Variants in FBXO11 observed in about 807,000 individuals in gnomAD.
The protein encoded by FBXO11 is F-box only protein 11.
A neutral mutation model predicts 117.0 loss-of-function variants in FBXO11; 13 were observed. That is an observed-to-expected ratio of 0.11 (90% CI 0.07 to 0.18). The LOEUF is 0.18. Ranked by LOEUF, FBXO11 falls within the 10% of genes least tolerant of loss-of-function variation. FBXO11 has a pLI of 1.00. For synonymous variants in FBXO11, 490 were observed against 380.5 expected (o/e 1.29, Z -3.35); for missense variants, 767 against 1,164.4 (o/e 0.66, Z 4.97).
chr2:47,829,722 C>T (rs1217060355), intron 11 of FBXO11, among the ~76,000 whole-genome samples: 1 of 151,548 alleles, frequency 6.6e-6, no homozygotes, highest in African/African-American at 2.4e-5. Context: ...AAAAAAAACA[C>T]CCATCTTTTA....
intron 16 of FBXO11, among the ~76,000 whole-genome samples, chr2:47,815,358 C>G (rs980034286): frequency 6.6e-6 from 1 of 152,106 alleles, no homozygotes; most frequent in Non-Finnish European, 1.5e-5. Context: ...AGAGAGTGAC[C>G]TAGCTAGGTT....
chr2:47,808,316 G>A lies in FBXO11; in HGVS notation c.2654+13C>T. 6.2e-7 allele frequency: 1 copy of A among 1,612,548 alleles called. No individual in the cohort carries two copies. The highest frequency in any genetic ancestry group is 1.3e-5 in the African/African-American group (1 of 75,012). Reference sequence around the variant, plus strand: ...AGTAATTGGGTAATATATCAAGCAAGTGTGCTACATACCTATCATGTCTAA... The same window carrying A: ...AGTAATTGGGTAATATATCAAGCAAATGTGCTACATACCTATCATGTCTAA... On this transcript the variant is annotated intron_variant, in intron 22 of 22. Coordinates refer to ENST00000403359, the MANE Select transcript of FBXO11 (RefSeq NM_001190274.2).
chr2:47,846,995 T>C (rs1490521229), intron 1 of FBXO11, among the ~76,000 whole-genome samples: 1 of 152,016 alleles, frequency 6.6e-6, no homozygotes, highest in Non-Finnish European at 1.5e-5. Context: ...CTGTAATCCC[T>C]GCACTTTAGG....
At chr2:47,827,850 C>G (rs1045076978) in intron 11 of FBXO11, among the ~76,000 whole-genome samples, 4 of 152,096 alleles carry the variant, frequency 2.6e-5, no homozygotes, top group African/African-American at 9.6e-5. Context: ...GTGGGTGCCA[C>G]CATGCCCAGC....
chr2:47,828,631 T>C (rs1396660013), intron 11 of FBXO11, among the ~76,000 whole-genome samples: 1 of 144,778 alleles, frequency 6.9e-6, no homozygotes, highest in Non-Finnish European at 1.5e-5. Flanking sequence ...AAAGACAAAA[T>C]AAAAGGCATT....
chr2:47,836,128 G>A, intron 4 of FBXO11, 127 bp from the exon 5 acceptor site: 1 of 574,756 alleles, frequency 1.7e-6, no homozygotes, highest in Non-Finnish European at 2.8e-6. Flanking sequence ...AGACAAAAAT[G>A]AATATTAAAT....
intron 1 of FBXO11, among the ~76,000 whole-genome samples, chr2:47,882,427 C>T (rs1357607339): frequency 2.6e-5 from 4 of 151,380 alleles, no homozygotes; most frequent in Non-Finnish European, 5.9e-5. Context: ...ACGTAAGTTT[C>T]ATCTCAGCTA....
intron 11 of FBXO11, among the ~76,000 whole-genome samples, chr2:47,830,740 A>G (rs1203117954): frequency 6.6e-6 from 1 of 152,164 alleles, no homozygotes; most frequent in Non-Finnish European, 1.5e-5. Flanking sequence ...TGTGATGAGG[A>G]GTAACTTACT....
chr2:47,815,900 C>T (rs1363835082), intron 16 of FBXO11, among the ~76,000 whole-genome samples: 2 of 152,154 alleles, frequency 1.3e-5, no homozygotes, highest in African/African-American at 4.8e-5. Flanking sequence ...ATGAAACTGG[C>T]GCACTTAGTC....
At chr2:47,881,443 C>G (rs773154917) in intron 1 of FBXO11, among the ~76,000 whole-genome samples, 1 of 152,062 alleles carries the variant, frequency 6.6e-6, no homozygotes, top group Non-Finnish European at 1.5e-5. Context: ...TTAGACAATA[C>G]CTATTAGTTC....
At chr2:47,849,045 G>T (rs1272017073) in intron 1 of FBXO11, among the ~76,000 whole-genome samples, 1 of 152,066 alleles carries the variant, frequency 6.6e-6, no homozygotes, top group African/African-American at 2.4e-5. Flanking sequence ...AAATCTGTGC[G>T]ACTAACAACT....
At chr2:47,870,080 T>C (rs914111186) in intron 1 of FBXO11, among the ~76,000 whole-genome samples, 1 of 152,232 alleles carries the variant, frequency 6.6e-6, no homozygotes, top group African/African-American at 2.4e-5. Flanking sequence ...CAAAGGCCTC[T>C]CCAAGCAAGA....
chr2:47,895,125 T>C (rs1572920455), intron 1 of FBXO11, among the ~76,000 whole-genome samples: 1 of 152,230 alleles, frequency 6.6e-6, no homozygotes, highest in East Asian at 1.9e-4. Flanking sequence ...TGCTGAGGTA[T>C]AAAACTCACA....
At chr2:47,882,780 T>C (rs116041997) in intron 1 of FBXO11, among the ~76,000 whole-genome samples, 8,258 of 152,234 alleles carry the variant, frequency 0.054, 238 homozygotes, top group Non-Finnish European at 0.069. Flanking sequence ...GACTCCCAAG[T>C]AGCTGGGACT....
chr2:47,841,238 C>T (rs1672989984), intron 1 of FBXO11, among the ~76,000 whole-genome samples: 1 of 152,090 alleles, frequency 6.6e-6, no homozygotes, highest in Non-Finnish European at 1.5e-5. Flanking sequence ...TGGTAAATAA[C>T]ACCAAATAAG....
At chr2:47,825,922 G>GT (rs1671721411) in intron 11 of FBXO11, among the ~76,000 whole-genome samples, 1 of 151,752 alleles carries the variant, frequency 6.6e-6, no homozygotes, top group Non-Finnish European at 1.5e-5. Context: ...AGCAAAATTT[G>GT]ATACCTCTGA....
chr2:47,849,018 A>C (rs1429170064), intron 1 of FBXO11, among the ~76,000 whole-genome samples: 1 of 152,200 alleles, frequency 6.6e-6, no homozygotes, highest in Non-Finnish European at 1.5e-5. Context: ...GTCACAGATC[A>C]GATTGGAAAC....
intron 19 of FBXO11, 158 bp downstream of exon 19, chr2:47,810,158 A>G (rs1670517175): frequency 1.8e-6 from 1 of 567,416 alleles, no homozygotes; most frequent in South Asian, 2.5e-5. Flanking sequence ...AGAATCCAGA[A>G]CTTGATTAGG....
In FBXO11 at chr2:47,806,964, ATT is replaced by A; in HGVS notation, c.*1152_*1153del. 2.2e-6 allele frequency: 2 copies of A among 915,124 alleles called. No homozygotes were observed. Among genetic ancestry groups the A allele is most frequent in the Non-Finnish European group, 3.5e-6 (2 of 573,264 alleles). The allele number at this position is 915,124 out of a possible 1,614,324, so 56.7% of individuals were successfully genotyped here. A position where few individuals can be genotyped will look rare whatever the true frequency, so the allele number is the denominator to read the frequency against. ...ATTTTTTAAAAATGACCATTTTTCC[ATT>A]TTCTTTCTAGGAAATTAAACCCTTT... On this transcript the variant is annotated 3_prime_UTR_variant, in exon 23 of 23. Coordinates refer to ENST00000403359, the MANE Select transcript of FBXO11 (RefSeq NM_001190274.2).
Sources: gnomAD v4.1 joint callset for allele counts (sites outside exome capture counted in the v4.1 genomes callset) on GRCh38, gnomAD v4.1.1 for gene constraint, MANE v1.5 for transcripts, NCBI Gene and HGNC (gene_info 2026-07-23, HGNC 2026-07-21) for gene names.